The following RP1 variants were observed in gnomAD, a reference collection of about 807,000 sequenced individuals.
The protein encoded by RP1 is oxygen-regulated protein 1.
In RP1, 16 loss-of-function variants were observed where a neutral mutation model predicts 14.8. The ratio of observed to expected loss-of-function variants is 1.08; its 90% CI spans 0.73 to 1.65. The LOEUF is 1.65. Ranked by LOEUF, RP1 falls within the 40% of genes most tolerant of loss-of-function variation. The probability of loss-of-function intolerance (pLI) is 0.00; values close to 1 mark genes in which losing one functional copy is unlikely to be tolerated. For synonymous variants in RP1, 876 were observed against 883.6 expected (o/e 0.99, Z 0.15); for missense variants, 2,631 against 2,535.0 (o/e 1.04, Z -0.81).
chr8:54,831,279 A>C (rs1811517210), intron 24 of RP1, among the ~76,000 whole-genome samples: 1 of 151,892 alleles, frequency 6.6e-6, no homozygotes, highest in African/African-American at 2.4e-5. Flanking sequence ...GAACTACCAA[A>C]TGTTTTCACA....
intron 22 of RP1, among the ~76,000 whole-genome samples, chr8:54,760,335 C>A (rs930873465): frequency 6.6e-6 from 1 of 152,192 alleles, no homozygotes; most frequent in African/African-American, 2.4e-5. Flanking sequence ...GTCTTTCTTT[C>A]GCAGCCTACC....
At chr8:54,763,436 G>A (rs941040539) in intron 22 of RP1, among the ~76,000 whole-genome samples, 1 of 152,148 alleles carries the variant, frequency 6.6e-6, no homozygotes, top group Non-Finnish European at 1.5e-5. Flanking sequence ...TAAATAGAAG[G>A]AGAATTTTTA....
At chr8:54,790,071 G>A (rs1340237485) in intron 24 of RP1, among the ~76,000 whole-genome samples, 2 of 152,142 alleles carry the variant, frequency 1.3e-5, no homozygotes, top group Non-Finnish European at 2.9e-5. Context: ...TCTTGGCCAG[G>A]GAAAGCAGCC....
chr8:54,820,622 A>G (rs1469806112), intron 24 of RP1, among the ~76,000 whole-genome samples: 1 of 152,114 alleles, frequency 6.6e-6, no homozygotes, highest in East Asian at 1.9e-4. Context: ...CCCCAAGCAC[A>G]AGGATTCTCT....
chr8:54,607,057 C>G (rs1805464829), intron 1 of RP1, among the ~76,000 whole-genome samples: 1 of 152,176 alleles, frequency 6.6e-6, no homozygotes, highest in Non-Finnish European at 1.5e-5. Flanking sequence ...CAAAGTCATT[C>G]TCCATCCAGC....
In RP1 at chr8:54,626,728, A is replaced by G. The variant is rs756305662; in HGVS notation, c.2846A>G (p.Asn949Ser). The G allele has an allele frequency of 3.7e-6, 6 of 1,614,022 alleles. No individual in the cohort carries two copies. The highest frequency in any genetic ancestry group is 1.1e-5 in the South Asian group (1 of 91,080). The change falls in exon 4 of 4, where the codon AAT becomes AGT. Residue 949 changes from asparagine (N) to serine (S), a missense_variant. Physicochemically the swap from Asn to Ser is conservative, Grantham distance 46. Coordinates refer to ENST00000220676, the MANE Select transcript of RP1 (RefSeq NM_006269.2). ...RNETSVVNCS[N>S]NSFSGNDPHT... is the part of the protein sequence containing the mutation. ...GAAACGAGTGTGGTAAATTGTAGCA[A>G]TAATAGTTTTTCAGGGAATGATCCC...
chr8:54,827,716 G>A (rs1811416642), intron 24 of RP1, among the ~76,000 whole-genome samples: 1 of 152,030 alleles, frequency 6.6e-6, no homozygotes, highest in Non-Finnish European at 1.5e-5. Context: ...TGGCCAACAC[G>A]GTGAAACCCT....
intron 16 of RP1, among the ~76,000 whole-genome samples, chr8:54,724,360 A>C (rs139367564): frequency 7.2e-5 from 11 of 152,278 alleles, no homozygotes; most frequent in African/African-American, 2.2e-4. Flanking sequence ...GACTTTTCCT[A>C]GTTGATTTTG....
At chr8:54,693,583 G>A (rs1472046268) in intron 12 of RP1, among the ~76,000 whole-genome samples, 2 of 152,060 alleles carry the variant, frequency 1.3e-5, no homozygotes, top group African/African-American at 4.8e-5. Context: ...TGAAGCAATT[G>A]TGAATGGGAG....
At chr8:54,845,100 G>T (rs1214708954) in intron 25 of RP1, among the ~76,000 whole-genome samples, 2 of 152,230 alleles carry the variant, frequency 1.3e-5, no homozygotes, top group Non-Finnish European at 2.9e-5. Flanking sequence ...GGGTCTAGGA[G>T]ATGTGGCCAA....
rs3048820 is a variant in RP1, at chr8:54,655,851, C to CAAATAAAT, written c.1039-214_1039-207dup. Among the ~76,000 whole-genome samples, 294 of 150,374 alleles carry CAAATAAAT rather than the reference C, an allele frequency of 2.0e-3. 1 individual carries two copies. Among genetic ancestry groups the CAAATAAAT allele is most frequent in the African/African-American group, 5.7e-3 (232 of 40,904 alleles). ...TGGGCAACATAGCAAGACTTTGTCTCAAATAAATAAATAAATAAATAAATA... is the reference window on the plus strand; with the variant it reads ...TGGGCAACATAGCAAGACTTTGTCTCAAATAAATAAATAAATAAATAAATAAATAAATA... On this transcript the variant is annotated intron_variant, in intron 5 of 22. Coordinates refer to the RP1 transcript ENST00000636932.
intron 24 of RP1, among the ~76,000 whole-genome samples, chr8:54,834,148 G>A (rs1811603336): frequency 6.6e-6 from 1 of 151,950 alleles, no homozygotes; most frequent in African/African-American, 2.4e-5. Context: ...TAAGACTTAA[G>A]TTTAAATTTT....
chr8:54,577,746 T>C (rs1804692781), intron 1 of RP1, among the ~76,000 whole-genome samples: 1 of 152,160 alleles, frequency 6.6e-6, no homozygotes, highest in East Asian at 1.9e-4. Flanking sequence ...CTTAGATAGT[T>C]TAACTACCCC....
At chr8:54,616,614 A>G (rs906738821) in intron 1 of RP1, among the ~76,000 whole-genome samples, 6 of 152,206 alleles carry the variant, frequency 3.9e-5, no homozygotes, top group African/African-American at 1.2e-4. Context: ...ACTCTGCCCC[A>G]TAGGCTTATG....
intron 23 of RP1, among the ~76,000 whole-genome samples, chr8:54,775,396 T>C (rs894514377): frequency 6.6e-6 from 1 of 152,200 alleles, no homozygotes; most frequent in Admixed American, 6.5e-5. Flanking sequence ...TAAAAGATGA[T>C]ACCACTTCTG....
At chr8:54,729,634 A>G (rs1250528600) in intron 17 of RP1, among the ~76,000 whole-genome samples, 1 of 152,140 alleles carries the variant, frequency 6.6e-6, no homozygotes, top group Non-Finnish European at 1.5e-5. Flanking sequence ...ATGCTTGTGC[A>G]TATATGTATG....
At chr8:54,622,003 GTGA>G (rs1805893792) in intron 2 of RP1, 111 bp from the exon 3 acceptor site, 12 of 1,043,954 alleles carry the variant, frequency 1.1e-5, no homozygotes, top group Non-Finnish European at 1.6e-5. Flanking sequence ...AAAATGCTCA[GTGA>G]TGATGTCTTT....
At chr8:54,798,834 A>G (rs558069428) in intron 24 of RP1, among the ~76,000 whole-genome samples, 1 of 152,256 alleles carries the variant, frequency 6.6e-6, no homozygotes, top group African/African-American at 2.4e-5. Context: ...TTGTACATCT[A>G]TATTAGTCTC....
At chr8:54,770,177 G>T (rs1364497375), downstream of RP1, 6 of 401,468 alleles carry the variant, frequency 1.5e-5, no homozygotes, top group Non-Finnish European at 2.6e-5. Context: ...GGTAAATGTT[G>T]TTGCCACTTT....
Sources: gnomAD v4.1 joint callset for allele counts (sites outside exome capture counted in the v4.1 genomes callset) on GRCh38, gnomAD v4.1.1 for gene constraint, MANE v1.5 for transcripts, NCBI Gene and HGNC (gene_info 2026-07-23, HGNC 2026-07-21) for gene names.